ROBO2: variants seen among roughly 807,000 people sequenced by gnomAD.
ROBO2 encodes roundabout homolog 2.
In ROBO2, 53 loss-of-function variants were observed where a neutral mutation model predicts 160.8. That is an observed-to-expected ratio of 0.33 (90% CI 0.26 to 0.41). The LOEUF (loss-of-function observed/expected upper bound fraction) is 0.41, where lower values mean the gene tolerates loss of function less well. Among genes scored for constraint, ROBO2 ranks in the 10% least tolerant of loss-of-function variants. The probability of loss-of-function intolerance (pLI) is 1.00; values close to 1 mark genes in which losing one functional copy is unlikely to be tolerated. For synonymous variants in ROBO2, 664 were observed against 611.7 expected (o/e 1.09, Z -1.26); for missense variants, 1,577 against 1,722.4 (o/e 0.92, Z 1.49).
At chr3:76,257,965 G>A (rs528186940) in intron 2 of ROBO2, among the ~76,000 whole-genome samples, 2 of 152,168 alleles carry the variant, frequency 1.3e-5, no homozygotes, top group South Asian at 2.1e-4. Context: ...TCAGCACTTG[G>A]TATATTTTAT....
chr3:76,814,708 A>T (rs146596061), intron 2 of ROBO2, among the ~76,000 whole-genome samples: 1 of 152,246 alleles, frequency 6.6e-6, no homozygotes, highest in African/African-American at 2.4e-5. Flanking sequence ...ACCATGTCAT[A>T]TAAGAAATAT....
chr3:76,850,389 T>C (rs1219089494), intron 2 of ROBO2, among the ~76,000 whole-genome samples: 3 of 152,138 alleles, frequency 2.0e-5, no homozygotes, highest in Non-Finnish European at 2.9e-5. Flanking sequence ...TCCATCAGTA[T>C]CCCGTGACCT....
intron 2 of ROBO2, among the ~76,000 whole-genome samples, chr3:77,461,843 G>T (rs556733424): frequency 1.9e-4 from 29 of 151,374 alleles, no homozygotes; most frequent in African/African-American, 6.8e-4. Flanking sequence ...TTCTCCTGCC[G>T]CAGCCTCCCA....
intron 2 of ROBO2, among the ~76,000 whole-genome samples, chr3:76,667,290 A>G (rs545298227): frequency 1.3e-5 from 2 of 152,334 alleles, no homozygotes; most frequent in South Asian, 2.1e-4. Flanking sequence ...TACTTAGAAT[A>G]CAATTTAACT....
At chr3:76,220,325 A>T (rs1424094828) in intron 2 of ROBO2, among the ~76,000 whole-genome samples, 2 of 151,762 alleles carry the variant, frequency 1.3e-5, no homozygotes, top group Non-Finnish European at 2.9e-5. Flanking sequence ...CTTAAAGTAT[A>T]ATAATAATAA....
At chr3:76,063,592 CA>C (rs1185269381) in intron 2 of ROBO2, among the ~76,000 whole-genome samples, 1 of 151,978 alleles carries the variant, frequency 6.6e-6, no homozygotes, top group Non-Finnish European at 1.5e-5. Flanking sequence ...GCTATCCTCC[CA>C]TTTCGACCTC....
intron 2 of ROBO2, among the ~76,000 whole-genome samples, chr3:75,999,524 G>T (rs1020707526): frequency 6.6e-6 from 1 of 152,078 alleles, no homozygotes; most frequent in South Asian, 2.1e-4. Context: ...AGCCATAGGA[G>T]TTTAATATTA....
intron 2 of ROBO2, among the ~76,000 whole-genome samples, chr3:76,717,226 G>A (rs537331874): frequency 4.0e-4 from 61 of 151,820 alleles, no homozygotes; most frequent in African/African-American, 1.4e-3. Flanking sequence ...GGGCACGGTG[G>A]CTCACGCCTG....
intron 15 of ROBO2, among the ~76,000 whole-genome samples, chr3:77,578,605 A>T (rs2153673696): frequency 6.6e-6 from 1 of 152,234 alleles, no homozygotes; most frequent in African/African-American, 2.4e-5. Flanking sequence ...AAATGAATGG[A>T]CTAAATGTAT....
intron 2 of ROBO2, among the ~76,000 whole-genome samples, chr3:76,262,858 C>G (rs984754541): frequency 6.6e-6 from 1 of 152,068 alleles, no homozygotes; most frequent in African/African-American, 2.4e-5. Flanking sequence ...TAGGGCACAG[C>G]TACTGCATAC....
At chr3:76,432,579 G>A (rs2076484547) in intron 2 of ROBO2, among the ~76,000 whole-genome samples, 1 of 152,110 alleles carries the variant, frequency 6.6e-6, no homozygotes. Flanking sequence ...TGGCTAATGG[G>A]AGGAGACCTC....
chr3:77,063,211 C>T (rs1175154464), intron 1 of ROBO2, among the ~76,000 whole-genome samples: 2 of 152,156 alleles, frequency 1.3e-5, no homozygotes, highest in East Asian at 1.9e-4. Context: ...AAGGTTTCGC[C>T]AAGGGCTATG....
At chr3:76,719,810 G>A (rs2093436680) in intron 2 of ROBO2, among the ~76,000 whole-genome samples, 1 of 151,726 alleles carries the variant, frequency 6.6e-6, no homozygotes, top group Admixed American at 6.6e-5. Context: ...CTTGAACCTG[G>A]GAGGCAGAGG....
At chr3:76,800,194 A>G (rs1377260205) in intron 2 of ROBO2, among the ~76,000 whole-genome samples, 1 of 152,214 alleles carries the variant, frequency 6.6e-6, no homozygotes, top group African/African-American at 2.4e-5. Flanking sequence ...CAAGATGTCC[A>G]TCTCTTGCCA....
chr3:75,928,273 C>T (rs764812268), intron 1 of ROBO2, among the ~76,000 whole-genome samples: 4 of 152,174 alleles, frequency 2.6e-5, no homozygotes, highest in Non-Finnish European at 5.9e-5. Flanking sequence ...CGTGAGCCAC[C>T]GTGCCCGGCC....
chr3:77,102,786 A>G (rs1250798158), intron 2 of ROBO2, among the ~76,000 whole-genome samples: 1 of 151,830 alleles, frequency 6.6e-6, no homozygotes, highest in Non-Finnish European at 1.5e-5. Context: ...AGAGGGAAAA[A>G]AATTCAGGAC....
chr3:77,445,798 T>TTTTTTG (rs1553960452), intron 2 of ROBO2, among the ~76,000 whole-genome samples: 1 of 144,884 alleles, frequency 6.9e-6, no homozygotes, highest in African/African-American at 2.5e-5. Flanking sequence ...TTTTTTGTTT[T>TTTTTTG]TTTTTTTTTT....
Position 75,908,627 on chromosome 3 carries a change from A to T in ROBO2, c.-14+1667A>T, listed in dbSNP as rs546469947. ...TTTAGTTCTTTACCCAAACAATTGCACAACTACATTGAGACTACTGAAATA... is the reference window on the plus strand; with the variant it reads ...TTTAGTTCTTTACCCAAACAATTGCTCAACTACATTGAGACTACTGAAATA... On this transcript the variant is annotated intron_variant, in intron 1 of 26. Transcript: ENST00000487694. 9.2e-5 allele frequency among the ~76,000 whole-genome samples: 14 copies of T among 152,284 alleles called. No individual in the cohort carries two copies. In the East Asian group the frequency reaches 2.7e-3, roughly 29 times the overall value.
chr3:76,475,630 C>T (rs984381200), intron 2 of ROBO2, among the ~76,000 whole-genome samples: 3 of 151,754 alleles, frequency 2.0e-5, no homozygotes, highest in Non-Finnish European at 4.4e-5. Context: ...ATACCTGGAC[C>T]CACTAGTATT....
Sources: allele counts gnomAD v4.1 joint callset (sites outside exome capture counted in the v4.1 genomes callset), GRCh38; gene constraint gnomAD v4.1.1; transcripts MANE v1.5; gene names NCBI Gene and HGNC (gene_info 2026-07-23, HGNC 2026-07-21).